Variants in MYL4 observed in about 807,000 individuals in gnomAD.
MYL4 encodes myosin light chain 4, also known as atrial myosin light chain 1.
MYL4 carries 16 observed loss-of-function variants against 21.6 expected under a neutral mutation model. The observed-to-expected ratio is 0.74, with a 90% CI of 0.50 to 1.12. MYL4 has a LOEUF of 1.12. MYL4 is among the 50% of genes most tolerant of loss of function. MYL4 has a pLI of 0.00. For missense variants in MYL4, 249 were observed against 252.9 expected, an observed-to-expected ratio of 0.98 and a Z score of 0.11; for synonymous variants, 82 against 95.7, an observed-to-expected ratio of 0.86 and a Z score of 0.83.
chr17:47,214,867 C>T (rs2149044299), intron 2 of MYL4, among the ~76,000 whole-genome samples: 1 of 152,240 alleles, frequency 6.6e-6, no homozygotes, highest in Non-Finnish European at 1.5e-5. Flanking sequence ...GATATCTTTT[C>T]AAAATTAACA....
At chr17:47,227,523 C>T (rs2064889931), downstream of MYL4, among the ~76,000 whole-genome samples, 1 of 152,100 alleles carries the variant, frequency 6.6e-6, no homozygotes, top group Non-Finnish European at 1.5e-5. Flanking sequence ...CCTGTCCCTC[C>T]TGCCTCTCCT....
chr17:47,209,737 A>G, intron 1 of MYL4, 180 bp downstream of exon 1: 1 of 864,360 alleles, frequency 1.2e-6, no homozygotes, highest in Non-Finnish European at 1.9e-6. Context: ...GGGGAGATTG[A>G]GTCATAAACC....
downstream of MYL4, among the ~76,000 whole-genome samples, chr17:47,226,687 T>C (rs1322578226): frequency 1.3e-5 from 2 of 152,226 alleles, no homozygotes; most frequent in Non-Finnish European, 2.9e-5. Context: ...AATCCAGAGA[T>C]TGGCAGTCCC....
chr17:47,215,056 A>G (rs2064804063), intron 2 of MYL4, among the ~76,000 whole-genome samples: 1 of 152,198 alleles, frequency 6.6e-6, no homozygotes, highest in Non-Finnish European at 1.5e-5. Flanking sequence ...ATTTTAAATT[A>G]TAATGGTTAT....
chr17:47,221,815 G>T lies in MYL4; in HGVS notation c.447G>T (p.Thr149=). ...TCTTTGACAAGGAGAGCAATGGCAC[G>T]GTCATGGGTGCTGAGCTTCGGCACG... ...LRVFDKESNG[T]VMGAELRHVL... Residue 149 remains threonine, a synonymous_variant, in exon 4 of 7, where the codon ACG becomes ACT. Coordinates refer to ENST00000393450, the MANE Select transcript of MYL4 (RefSeq NM_002476.2). 1.2e-6 allele frequency: 2 copies of T among 1,614,104 alleles called. No individual in the cohort carries two copies. Among genetic ancestry groups the T allele is most frequent in the Non-Finnish European group, 1.7e-6 (2 of 1,179,986 alleles).
At chr17:47,189,749 G>A in the MYL4 span, among the ~76,000 whole-genome samples, 1 of 152,188 alleles carries the variant, frequency 6.6e-6, no homozygotes, top group Non-Finnish European at 1.5e-5. Context: ...TAGATCATTC[G>A]TCCATTCCAG....
chr17:47,224,703 T>C (rs936302661), downstream of MYL4, among the ~76,000 whole-genome samples: 3 of 152,208 alleles, frequency 2.0e-5, no homozygotes, highest in East Asian at 1.9e-4. Context: ...TCCCATTGTA[T>C]AGGTCAACCA....
At chr17:47,221,166 G>A (rs2064852938) in intron 3 of MYL4, among the ~76,000 whole-genome samples, 1 of 152,218 alleles carries the variant, frequency 6.6e-6, no homozygotes, top group Non-Finnish European at 1.5e-5. Context: ...AGAGAACTGT[G>A]AATTTATAAG....
intron 1 of MYL4, among the ~76,000 whole-genome samples, chr17:47,201,459 T>C (rs1332894373): frequency 3.9e-5 from 6 of 151,930 alleles, no homozygotes; most frequent in Non-Finnish European, 8.8e-5. Context: ...CTTTTCTTTT[T>C]TTTTTTTCTT....
chr17:47,223,311 T>C, intron 6 of MYL4, 198 bp from the exon 7 acceptor site: 1 of 486,040 alleles, frequency 2.1e-6, no homozygotes, highest in South Asian at 3.3e-5. Context: ...TGCCCTTCCC[T>C]CAGGCCTGGG....
chr17:47,195,956 G>C (rs1468010845), upstream of MYL4, among the ~76,000 whole-genome samples: 3 of 152,174 alleles, frequency 2.0e-5, no homozygotes, highest in African/African-American at 7.2e-5. Flanking sequence ...TACAGTATCT[G>C]GCATCTAATG....
At chr17:47,205,626 T>TC (rs1391617049), upstream of MYL4, among the ~76,000 whole-genome samples, 1 of 152,206 alleles carries the variant, frequency 6.6e-6, no homozygotes, top group Non-Finnish European at 1.5e-5. Flanking sequence ...TGCCAGGCAC[T>TC]TTTTTCACTG....
At chr17:47,215,962 G>A (rs2064810356) in intron 2 of MYL4, among the ~76,000 whole-genome samples, 1 of 151,972 alleles carries the variant, frequency 6.6e-6, no homozygotes, top group Admixed American at 6.6e-5. Context: ...ATGTTTTGTA[G>A]AGATGGGGGT....
chr17:47,198,952 T>C (rs2064699339), upstream of MYL4, among the ~76,000 whole-genome samples: 1 of 151,520 alleles, frequency 6.6e-6, no homozygotes, highest in Non-Finnish European at 1.5e-5. Flanking sequence ...TAGCACTGTA[T>C]GGCCAGGCAT....
At chr17:47,197,532 A>T (rs1375543541), upstream of MYL4, among the ~76,000 whole-genome samples, 2 of 152,224 alleles carry the variant, frequency 1.3e-5, no homozygotes, top group Non-Finnish European at 1.5e-5. Context: ...ACTCAAAAGC[A>T]CAGGGAAATA....
At chr17:47,220,965 C>T (rs2064851140) in intron 3 of MYL4, among the ~76,000 whole-genome samples, 1 of 152,086 alleles carries the variant, frequency 6.6e-6, no homozygotes, top group Non-Finnish European at 1.5e-5. Context: ...CTGAAGGTAA[C>T]CGCGGGGGTG....
At chr17:47,205,460 A>C (rs1054626634), upstream of MYL4, among the ~76,000 whole-genome samples, 4 of 152,182 alleles carry the variant, frequency 2.6e-5, no homozygotes, top group Admixed American at 2.6e-4. Context: ...CAGAATGAAG[A>C]CCATAAGACG....
chr17:47,219,835 A>T, intron 2 of MYL4, 69 bp from the exon 3 acceptor site: 1 of 1,572,328 alleles, frequency 6.4e-7, no homozygotes. Context: ...GCTTGGGTGG[A>T]GGCTGATTGG....
Position 47,223,059 on chromosome 17 carries a change from T to A in MYL4, c.*15+2T>A. The A allele has an allele frequency of 1.2e-6, 2 of 1,614,154 alleles. No homozygotes were observed. Among genetic ancestry groups the A allele is most frequent in the Middle Eastern group, 1.7e-4 (1 of 6,060 alleles). On this transcript the variant is annotated splice_donor_variant, in intron 6 of 6. Coordinates refer to ENST00000393450, the MANE Select transcript of MYL4 (RefSeq NM_002476.2). LOFTEE classifies it low-confidence loss of function (3UTR_SPLICE). ...TCAGGGTGAAGCAGAGTCTTCCAGG[T>A]GAGTGCAGCCTCTCCCTCCTGGTCC...
Sources: gnomAD v4.1 joint callset for allele counts (sites outside exome capture counted in the v4.1 genomes callset) on GRCh38, gnomAD v4.1.1 for gene constraint, MANE v1.5 for transcripts, NCBI Gene and HGNC (gene_info 2026-07-23, HGNC 2026-07-21) for gene names.